PRKCB: variants seen among roughly 807,000 people sequenced by gnomAD.
PRKCB encodes the protein protein kinase C beta, also known as protein kinase C beta type.
PRKCB carries 13 observed loss-of-function variants against 81.5 expected under a neutral mutation model. The observed-to-expected ratio is 0.16, with a 90% CI of 0.10 to 0.25. The LOEUF (loss-of-function observed/expected upper bound fraction) is 0.25. PRKCB is among the 10% of genes least tolerant of loss of function. The probability of loss-of-function intolerance (pLI) is 1.00; values close to 1 mark genes in which losing one functional copy is unlikely to be tolerated. For missense variants in PRKCB, 509 were observed against 875.7 expected (o/e 0.58, Z 5.29); for synonymous variants, 335 against 321.4 (o/e 1.04, Z -0.45).
chr16:24,189,566 C>T (rs926728045), intron 15 of PRKCB, among the ~76,000 whole-genome samples: 1 of 148,062 alleles, frequency 6.8e-6, no homozygotes, highest in Admixed American at 6.9e-5. Flanking sequence ...GGCGTGAACC[C>T]GGGAGGTGGA....
intron 16 of PRKCB, among the ~76,000 whole-genome samples, chr16:24,201,289 G>T (rs1192842271): frequency 6.6e-6 from 1 of 152,126 alleles, no homozygotes; most frequent in Non-Finnish European, 1.5e-5. Flanking sequence ...AAAAAATAAT[G>T]ATAGTTAGTA....
At chr16:24,050,603 C>T (rs1965829450) in intron 5 of PRKCB, among the ~76,000 whole-genome samples, 1 of 152,220 alleles carries the variant, frequency 6.6e-6, no homozygotes. Context: ...GCTCACCACA[C>T]ACTCTGATAC....
chr16:24,215,791 A>G lies in PRKCB; in HGVS notation c.*975A>G, dbSNP rs1401328499. The stretch of plus-strand genomic sequence containing the variant: ...GCCTAGCAGACTCAGGCCTGTGGGA[A>G]TGGGATTTGTTACAAATCTAGGTTT... On this transcript the variant is annotated 3_prime_UTR_variant, in exon 17 of 17. Transcript: ENST00000643927. 2.0e-6 allele frequency: 2 copies of G among 985,716 alleles called. No homozygotes were observed. Among genetic ancestry groups the G allele is most frequent in the African/African-American group, 3.5e-5 (2 of 57,242 alleles). The allele number at this position is 985,716 out of a possible 1,614,324, so 61.1% of individuals were successfully genotyped here.
At chr16:24,040,951 A>T (rs1292816268) in intron 5 of PRKCB, among the ~76,000 whole-genome samples, 2 of 152,180 alleles carry the variant, frequency 1.3e-5, no homozygotes, top group East Asian at 3.8e-4. Context: ...TGACATCATG[A>T]TGCCCATAGG....
rs972041002 is a variant in PRKCB at position 24,176,471 on chromosome 16, G to A, written c.1394+1891G>A. Among the ~76,000 whole-genome samples, 5 of 152,154 alleles carry A rather than the reference G, an allele frequency of 3.3e-5. No individual in the cohort carries two copies. The East Asian group carries it at 9.6e-4, about 29-fold the overall frequency. ...GATCATTCTGCCCATGCCCATGTTT[G>A]CCCTCAATGAACACGTTCACTATGT... On this transcript the variant is annotated intron_variant, in intron 12 of 16. Coordinates refer to ENST00000643927, the MANE Select transcript of PRKCB (RefSeq NM_002738.7).
intron 3 of PRKCB, among the ~76,000 whole-genome samples, chr16:24,020,988 CTTTCTT>C (rs1965356285): frequency 8.3e-6 from 1 of 121,066 alleles, no homozygotes; most frequent in African/African-American, 3.3e-5. Flanking sequence ...TTCTTTCTTT[CTTTCTT>C]TCTTTCTTTC....
chr16:24,122,745 C>T (rs563597025), intron 8 of PRKCB, among the ~76,000 whole-genome samples: 11 of 132,118 alleles, frequency 8.3e-5, no homozygotes, highest in African/African-American at 2.9e-4. Flanking sequence ...CAGGTGTGAG[C>T]CACTGTGCCC....
chr16:24,103,325 A>G (rs1041978538), intron 7 of PRKCB, among the ~76,000 whole-genome samples: 2 of 152,120 alleles, frequency 1.3e-5, no homozygotes, highest in Non-Finnish European at 2.9e-5. Context: ...TTTAACCCCT[A>G]GAATTAGATT....
chr16:24,216,625 A>G lies in PRKCB; in HGVS notation c.*1809A>G. On this transcript the variant is annotated 3_prime_UTR_variant, in exon 17 of 17. Transcript: ENST00000643927. The stretch of plus-strand genomic sequence containing the variant: ...GGGGTTTGGATTTCTGCTTAGGCAA[A>G]GTCTCCTGCAGTTCATCCTTCTCTG... 1 of 985,366 alleles carries G rather than the reference A, an allele frequency of 1.0e-6. No homozygotes were observed. The highest frequency in any genetic ancestry group is 1.2e-6 in the Non-Finnish European group (1 of 829,958). 61.0% of individuals were successfully genotyped at this position (985,366 alleles called of 1,614,324 possible).
In PRKCB at chr16:23,836,105, C is replaced by T. The variant is rs1209958408; in HGVS notation, c.-71C>T. 2.3e-5 allele frequency: 25 copies of T among 1,080,986 alleles called. No homozygotes were observed. In the South Asian group the frequency reaches 8.3e-4, roughly 36 times the overall value. The allele number at this position is 1,080,986 out of a possible 1,614,324, so 67.0% of individuals were successfully genotyped here. ...CAGCGGCCGCCGCCTCCCGCGCCTCCCCGGCCCGCAGCCCGCGGTCCCGCG... is the reference window on the plus strand; with the variant it reads ...CAGCGGCCGCCGCCTCCCGCGCCTCTCCGGCCCGCAGCCCGCGGTCCCGCG... On this transcript the variant is annotated 5_prime_UTR_variant, in exon 1 of 17. Transcript: ENST00000643927.
At chr16:23,863,547 C>T (rs937107030) in intron 2 of PRKCB, among the ~76,000 whole-genome samples, 8 of 152,120 alleles carry the variant, frequency 5.3e-5, no homozygotes, top group African/African-American at 1.9e-4. Context: ...CTGCTGCACC[C>T]GATGTCCCAG....
At chr16:24,131,964 G>C (rs1379079823) in intron 9 of PRKCB, among the ~76,000 whole-genome samples, 1 of 152,186 alleles carries the variant, frequency 6.6e-6, no homozygotes, top group Admixed American at 6.5e-5. Context: ...AAAAGTCTCT[G>C]TTCATCCCCC....
rs1964944000 is a variant in PRKCB at position 23,995,531 on chromosome 16, C to A, written c.288+6941C>A. ...AGACAGCTCTTGGCCTGCTACCGGG[C>A]CTTCGTGGAAACTGACGATTTGACC... On this transcript the variant is annotated intron_variant, in intron 3 of 16. Transcript: ENST00000643927. Among the ~76,000 whole-genome samples, 2 of 152,150 alleles carry A rather than the reference C, an allele frequency of 1.3e-5. 1 individual carries two copies. The highest frequency in any genetic ancestry group is 1.3e-4 in the Admixed American group (2 of 15,282).
intron 12 of PRKCB, among the ~76,000 whole-genome samples, chr16:24,178,786 A>G (rs1318069389): frequency 6.6e-6 from 1 of 152,210 alleles, no homozygotes; most frequent in East Asian, 1.9e-4. Context: ...AGGAGACCCC[A>G]CAGACACAGA....
chr16:24,193,444 C>CAAATAAAT (rs56289209), intron 16 of PRKCB, among the ~76,000 whole-genome samples: 13 of 122,162 alleles, frequency 1.1e-4, no homozygotes, highest in African/African-American at 2.6e-4. Flanking sequence ...GACTCCATCT[C>CAAATAAAT]AAATAAATAA....
chr16:24,101,990 C>T (rs1475433084), intron 7 of PRKCB, among the ~76,000 whole-genome samples: 10 of 152,164 alleles, frequency 6.6e-5, no homozygotes, highest in South Asian at 6.2e-4. Flanking sequence ...TTGTAAGCAA[C>T]GGTGCTGGGT....
chr16:24,176,207 C>T (rs1967528589), intron 12 of PRKCB, among the ~76,000 whole-genome samples: 1 of 151,938 alleles, frequency 6.6e-6, no homozygotes, highest in African/African-American at 2.4e-5. Context: ...CCTACTTTCT[C>T]CTAATGATGG....
chr16:23,861,473 G>A (rs778772520), intron 2 of PRKCB, among the ~76,000 whole-genome samples: 4 of 152,120 alleles, frequency 2.6e-5, no homozygotes, highest in Non-Finnish European at 5.9e-5. Flanking sequence ...GACCTGCTTT[G>A]GTTCTTAAAA....
intron 3 of PRKCB, among the ~76,000 whole-genome samples, chr16:23,996,533 C>G (rs1187693931): frequency 1.3e-5 from 2 of 152,200 alleles, no homozygotes; most frequent in African/African-American, 4.8e-5. Context: ...TGGACCCCTT[C>G]CATTATGGAA....
Sources: allele counts gnomAD v4.1 joint callset (sites outside exome capture counted in the v4.1 genomes callset), GRCh38; gene constraint gnomAD v4.1.1; transcripts MANE v1.5; gene names NCBI Gene and HGNC (gene_info 2026-07-23, HGNC 2026-07-21).